Variants in CLSTN3 observed in about 807,000 individuals in gnomAD.
The protein encoded by CLSTN3 is calsyntenin-3.
A neutral mutation model predicts 95.9 loss-of-function variants in CLSTN3; 36 were observed. That is an observed-to-expected ratio of 0.38 (90% CI 0.29 to 0.50). CLSTN3 has a LOEUF of 0.50. Ranked by LOEUF, CLSTN3 falls within the 20% of genes least tolerant of loss-of-function variation. CLSTN3 has a pLI of 0.95. For synonymous variants in CLSTN3, 481 were observed against 504.0 expected, an observed-to-expected ratio of 0.95 and a Z score of 0.61; for missense variants, 1,084 against 1,268.8, an observed-to-expected ratio of 0.85 and a Z score of 2.21.
At position 7,141,432 on chromosome 12, in the gene CLSTN3, G is replaced by A. The variant is rs1214029789; in HGVS notation, c.1486+28G>A. The A allele has an allele frequency of 1.2e-6, 2 of 1,613,710 alleles. No individual in the cohort carries two copies. Among genetic ancestry groups the A allele is most frequent in the Non-Finnish European group, 1.7e-6 (2 of 1,179,714 alleles). On this transcript the variant is annotated intron_variant, in intron 9 of 17. Coordinates refer to ENST00000266546, the MANE Select transcript of CLSTN3 (RefSeq NM_014718.4). The surrounding 1 kb of genome is among the most constrained non-coding windows in gnomAD (Gnocchi z 4.1). Reference sequence around the variant, plus strand: ...AAGCTTCTCAGTGAAGACTCCAGTGGTTCAGGATTTGGGAAGGGAGGTAGG... The same window carrying A: ...AAGCTTCTCAGTGAAGACTCCAGTGATTCAGGATTTGGGAAGGGAGGTAGG...
chr12:7,133,597 A>C lies in CLSTN3; in HGVS notation c.212A>C (p.His71Pro). The change falls in exon 3 of 18, where the codon CAT becomes CCT. Residue 71 changes from histidine to proline, a missense_variant. His to Pro is a moderately conservative substitution (Grantham distance 77, BLOSUM62 -2). Coordinates refer to ENST00000266546, the MANE Select transcript of CLSTN3 (RefSeq NM_014718.4). The surrounding 1 kb of genome is among the most constrained non-coding windows in gnomAD (Gnocchi z 4.7). Reference sequence around the variant, plus strand: ...GGTGAGATCTGCGGCTTCCGGCTCCATGGGTCTGGGGTGCCCTTTGAGGCT... The same window carrying C: ...GGTGAGATCTGCGGCTTCCGGCTCCCTGGGTCTGGGGTGCCCTTTGAGGCT... ...YAGEICGFRL[H>P]GSGVPFEAVI... 1.2e-6 allele frequency: 2 copies of C among 1,614,018 alleles called. No homozygotes were observed. The highest frequency in any genetic ancestry group is 1.7e-6 in the Non-Finnish European group (2 of 1,179,986).
At chr12:7,148,384 G>A (rs932499593) in intron 12 of CLSTN3, among the ~76,000 whole-genome samples, 7 of 152,158 alleles carry the variant, frequency 4.6e-5, no homozygotes, top group Non-Finnish European at 1.0e-4. Context: ...CTGATGCCTG[G>A]ATCCTCAAGC....
Position 7,133,510 on chromosome 12 carries a change from G to C in CLSTN3, c.188-63G>C. On this transcript the variant is annotated intron_variant, in intron 2 of 17. Transcript: ENST00000266546. This position sits in a 1 kb window ranked among gnomAD's most constrained non-coding sequence, Gnocchi z 4.7. The stretch of plus-strand genomic sequence containing the variant: ...GAGAGGTGGAGCTGGACCCCAGGTG[G>C]GGAGACTGAGGGTGGGGAAGGAGAC... 1 of 1,525,596 alleles carries C rather than the reference G, an allele frequency of 6.6e-7. No homozygotes were observed. Among genetic ancestry groups the C allele is most frequent in the South Asian group, 1.1e-5 (1 of 88,250 alleles). 94.5% of individuals were successfully genotyped at this position (1,525,596 alleles called of 1,614,324 possible).
At chr12:7,154,918 G>C (rs1379265986) in intron 16 of CLSTN3, among the ~76,000 whole-genome samples, 2 of 152,188 alleles carry the variant, frequency 1.3e-5, no homozygotes, top group African/African-American at 4.8e-5. Context: ...GCTACCACGG[G>C]CCAGAATTTT....
chr12:7,151,519 C>T (rs1565654112), intron 16 of CLSTN3, among the ~76,000 whole-genome samples: 2 of 152,158 alleles, frequency 1.3e-5, no homozygotes, highest in Non-Finnish European at 2.9e-5. Flanking sequence ...AGAATTGGTA[C>T]TATTACATGT....
At position 7,149,213 on chromosome 12, in the gene CLSTN3, G is replaced by C. The variant is rs768696829; in HGVS notation, c.2074+15G>C. 6.2e-7 allele frequency: 1 copy of C among 1,604,168 alleles called. No homozygotes were observed. The highest frequency in any genetic ancestry group is 1.1e-5 in the South Asian group (1 of 90,382). The stretch of plus-strand genomic sequence containing the variant: ...GCAGGGCACAGGTAAGGACGACTTC[G>C]GGGAGTAACACCATCCAGAGAACCA... On this transcript the variant is annotated intron_variant, in intron 13 of 17. Coordinates refer to ENST00000266546, the MANE Select transcript of CLSTN3 (RefSeq NM_014718.4). The surrounding 1 kb of genome is among the most constrained non-coding windows in gnomAD (Gnocchi z 4.5).
Position 7,141,425 on chromosome 12 carries a change from T to C in CLSTN3, c.1486+21T>C, listed in dbSNP as rs1467181474. The C allele has an allele frequency of 6.2e-7, 1 of 1,613,756 alleles. No individual in the cohort carries two copies. Among genetic ancestry groups the C allele is most frequent in the Non-Finnish European group, 8.5e-7 (1 of 1,179,774 alleles). Reference sequence around the variant, plus strand: ...GACTGGTAAGCTTCTCAGTGAAGACTCCAGTGGTTCAGGATTTGGGAAGGG... The same window carrying C: ...GACTGGTAAGCTTCTCAGTGAAGACCCCAGTGGTTCAGGATTTGGGAAGGG... On this transcript the variant is annotated intron_variant, in intron 9 of 17. Transcript: ENST00000266546. This position sits in a 1 kb window ranked among gnomAD's most constrained non-coding sequence, Gnocchi z 4.1.
rs764251763 is a variant in CLSTN3 at position 7,150,684 on chromosome 12, G to A, written c.2386G>A (p.Val796Met). ...CCGTTACTCCAGCAATGAATTCATC[G>A]TGGAGGTACCCAGAGAGTCTCCTTC... Reference protein sequence around the residue: ...NGRYSSNEFIVEVNVLHSMNR... With the variant: ...NGRYSSNEFIMEVNVLHSMNR... Residue 796 changes from valine to methionine, a missense_variant, in exon 15 of 18, where the codon GTG becomes ATG. Physicochemically the swap from Val to Met is conservative, Grantham distance 21. Coordinates refer to ENST00000266546, the MANE Select transcript of CLSTN3 (RefSeq NM_014718.4). The surrounding 1 kb of genome is among the most constrained non-coding windows in gnomAD (Gnocchi z 4.0). 16 of 1,613,378 alleles carry A rather than the reference G, an allele frequency of 9.9e-6. No homozygotes were observed. Among genetic ancestry groups the A allele is most frequent in the Middle Eastern group, 1.6e-4 (1 of 6,078 alleles).
chr12:7,129,756 C>G, upstream of CLSTN3: 7 of 985,576 alleles, frequency 7.1e-6, no homozygotes, highest in Non-Finnish European at 7.2e-6. The surrounding 1 kb of genome is among the most constrained non-coding windows in gnomAD (Gnocchi z 5.5). Flanking sequence ...CTTGGTTCAT[C>G]ATGGTTTAAG....
At chr12:7,151,676 T>A (rs1391845296) in intron 16 of CLSTN3, among the ~76,000 whole-genome samples, 1 of 152,186 alleles carries the variant, frequency 6.6e-6, no homozygotes, top group Non-Finnish European at 1.5e-5. Flanking sequence ...CCGGTCATGG[T>A]CCTTTACGAA....
At position 7,130,515 on chromosome 12, in the gene CLSTN3, G is replaced by A; in HGVS notation, c.-134G>A. 6.5e-7 allele frequency: 1 copy of A among 1,538,362 alleles called. No individual in the cohort carries two copies. On this transcript the variant is annotated 5_prime_UTR_variant, in exon 1 of 18. Transcript: ENST00000266546. ...CTTTATGGACTAGTGTGGGCGGCAG[G>A]CTCCTTTCCGTCCCTGCCCTGCTGT...
chr12:7,134,039 T>C, intron 3 of CLSTN3: 1 of 374,134 alleles, frequency 2.7e-6, no homozygotes. Context: ...CTTTTCCTTA[T>C]CTGTAGAATG....
chr12:7,151,141 A>G, intron 16 of CLSTN3, 78 bp downstream of exon 16: 1 of 1,421,804 alleles, frequency 7.0e-7, no homozygotes, highest in South Asian at 1.5e-5. Flanking sequence ...CTCCCCCTCC[A>G]CCTCTGGGAG....
rs745450522 is a variant in CLSTN3, at chr12:7,134,447, T to C, written c.383+679T>C. ...CCACTAAGAGGCACTAGAGATAAAATGCTCTTTGTGACTCAGTTTCCCATT... is the reference window on the plus strand; with the variant it reads ...CCACTAAGAGGCACTAGAGATAAAACGCTCTTTGTGACTCAGTTTCCCATT... On this transcript the variant is annotated intron_variant, in intron 3 of 17. Transcript: ENST00000266546. 2.0e-5 allele frequency among the ~76,000 whole-genome samples: 3 copies of C among 152,348 alleles called. No homozygotes were observed. The East Asian group carries it at 5.8e-4, about 29-fold the overall frequency.
At chr12:7,132,668 C>T (rs1183164171) in intron 1 of CLSTN3, 11 of 558,938 alleles carry the variant, frequency 2.0e-5, no homozygotes, top group African/African-American at 1.7e-4. Context: ...ACCACTGCTC[C>T]CTGAAGTTCC....
In CLSTN3 at chr12:7,158,110, GA is replaced by G. The variant is rs1939855147; in HGVS notation, c.*31del. On this transcript the variant is annotated 3_prime_UTR_variant, in exon 18 of 18. Transcript: ENST00000266546. ...CTACACCTCTCCCCACGCAGAGGGG[GA>G]ATTCTGCCCTGGTGAAACAGACACT... 2.0e-6 allele frequency: 3 copies of G among 1,479,366 alleles called. No individual in the cohort carries two copies. Among genetic ancestry groups the G allele is most frequent in the South Asian group, 1.4e-5 (1 of 72,984 alleles). 91.6% of individuals were successfully genotyped at this position (1,479,366 alleles called of 1,614,324 possible).
rs1939693942 is a variant in CLSTN3 at position 7,149,828 on chromosome 12, A to T, written c.2245+135A>T. The T allele has an allele frequency of 1.3e-6, 1 of 783,818 alleles. No homozygotes were observed. Among genetic ancestry groups the T allele is most frequent in the Non-Finnish European group, 2.0e-6 (1 of 503,194 alleles). The allele number at this position is 783,818 out of a possible 1,614,324, so 48.6% of individuals were successfully genotyped here. ...GCCGTTTTGCATTTTCCTAGCCTGGAAGATCCTCTGGCTTTGATTGTCCCT... is the reference window on the plus strand; with the variant it reads ...GCCGTTTTGCATTTTCCTAGCCTGGTAGATCCTCTGGCTTTGATTGTCCCT... On this transcript the variant is annotated intron_variant, in intron 14 of 17. Transcript: ENST00000266546. This position sits in a 1 kb window ranked among gnomAD's most constrained non-coding sequence, Gnocchi z 4.5.
In CLSTN3 at chr12:7,150,646, C is replaced by A; in HGVS notation, c.2348C>A (p.Ser783Ter). Residue 783 changes from serine to a stop codon, truncating the protein, a stop_gained, in exon 15 of 18, where the codon TCG becomes TAG. Transcript: ENST00000266546. LOFTEE classifies it high-confidence loss of function. This position sits in a 1 kb window ranked among gnomAD's most constrained non-coding sequence, Gnocchi z 4.0. ...ACCAGGAAGTTCCGGCTTTCCTGCT[C>A]GGAAATGAATGGCCGTTACTCCAGC... is the stretch of plus-strand genomic sequence containing the variant. ...LYTRKFRLSCSEMNGRYSSNE... is the reference protein window; with the variant it reads ...LYTRKFRLSC 1 of 1,614,142 alleles carries A rather than the reference C, an allele frequency of 6.2e-7. No homozygotes were observed. Among genetic ancestry groups the A allele is most frequent in the Non-Finnish European group, 8.5e-7 (1 of 1,180,018 alleles).
rs753589029 is a variant in CLSTN3 at position 7,135,534 on chromosome 12, C to T, written c.591C>T (p.Asp197=). ...ACACCCCTTTCCTCATTGACAATGA[C>T]GGTGAGTCCACCCCTGGCTTCCCTG... ...TPNTPFLIDN[D]GNIENTEKLQ... is the part of the protein sequence containing the mutation. Residue 197 remains aspartate (D), a splice_region_variant and synonymous_variant, in exon 4 of 18, where the codon GAC becomes GAT. Transcript: ENST00000266546. 54 of 1,613,730 alleles carry T rather than the reference C, an allele frequency of 3.3e-5. No individual in the cohort carries two copies. Among genetic ancestry groups the T allele is most frequent in the African/African-American group, 5.3e-5 (4 of 74,898 alleles).
Sources: allele counts gnomAD v4.1 joint callset (sites outside exome capture counted in the v4.1 genomes callset), GRCh38; gene constraint gnomAD v4.1.1; non-coding constraint Gnocchi (gnomAD v3.1); transcripts MANE v1.5; gene names NCBI Gene and HGNC (gene_info 2026-07-23, HGNC 2026-07-21).